Variants in FAT3 observed in about 807,000 individuals in gnomAD.
FAT3 encodes protocadherin Fat 3.
In FAT3, 95 loss-of-function variants were observed where a neutral mutation model predicts 310.2. That is an observed-to-expected ratio of 0.31 (90% CI 0.26 to 0.36). FAT3 has a LOEUF of 0.36. Among genes scored for constraint, FAT3 ranks in the 10% least tolerant of loss-of-function variants. The pLI is 1.00. For synonymous variants in FAT3, 2,314 were observed against 2,192.9 expected (o/e 1.06, Z -1.54); for missense variants, 5,408 against 5,715.6 (o/e 0.95, Z 1.74).
intron 2 of FAT3, among the ~76,000 whole-genome samples, chr11:92,475,553 A>T (rs557300683): frequency 3.3e-5 from 5 of 152,098 alleles, no homozygotes; most frequent in African/African-American, 1.2e-4. Flanking sequence ...TCTCACTCTT[A>T]TGTATGGAAG....
At chr11:92,459,480 T>G (rs1384491727) in intron 2 of FAT3, among the ~76,000 whole-genome samples, 1 of 152,154 alleles carries the variant, frequency 6.6e-6, no homozygotes, top group Non-Finnish European at 1.5e-5. Context: ...TCCATATTAT[T>G]TTAACGGGCC....
intron 1 of FAT3, among the ~76,000 whole-genome samples, chr11:92,258,504 C>A (rs1865404643): frequency 6.6e-6 from 1 of 152,024 alleles, no homozygotes; most frequent in Non-Finnish European, 1.5e-5. Flanking sequence ...AAGAAGCCCA[C>A]AGCTGGGGAA....
At chr11:92,294,134 T>C (rs1946784481) in intron 1 of FAT3, among the ~76,000 whole-genome samples, 1 of 152,070 alleles carries the variant, frequency 6.6e-6, no homozygotes, top group African/African-American at 2.4e-5. Flanking sequence ...ATGAGGGCTC[T>C]CTTCCTGGCC....
chr11:92,808,695 G>A (rs1184055652), intron 12 of FAT3, among the ~76,000 whole-genome samples: 1 of 152,130 alleles, frequency 6.6e-6, no homozygotes, highest in African/African-American at 2.4e-5. Flanking sequence ...GGAGGCCGAG[G>A]TGGGTGGATC....
At chr11:92,749,193 C>G (rs1945757542) in intron 4 of FAT3, 1 of 152,152 alleles carries the variant, frequency 6.6e-6, no homozygotes, top group Non-Finnish European at 1.5e-5. Context: ...ACTTTAAATG[C>G]AGTTCTTCTC....
intron 1 of FAT3, among the ~76,000 whole-genome samples, chr11:92,329,558 G>A (rs1434858093): frequency 6.6e-6 from 1 of 151,194 alleles, no homozygotes; most frequent in Non-Finnish European, 1.5e-5. Context: ...CAGGTAGGCT[G>A]TTAATTAAGT....
intron 19 of FAT3, among the ~76,000 whole-genome samples, chr11:92,852,956 G>C (rs1256636330): frequency 1.6e-4 from 25 of 152,188 alleles, no homozygotes; most frequent in Admixed American, 1.6e-3. Context: ...GTTGTCACAG[G>C]ATCCTTGGGG....
At chr11:92,767,910 C>T (rs1472219752) in intron 6 of FAT3, among the ~76,000 whole-genome samples, 2 of 152,138 alleles carry the variant, frequency 1.3e-5, no homozygotes, top group African/African-American at 4.8e-5. Flanking sequence ...CTGGAACCTA[C>T]TCAGAGTCAG....
intron 4 of FAT3, among the ~76,000 whole-genome samples, chr11:92,754,566 T>A (rs1356691871): frequency 7.6e-6 from 1 of 131,058 alleles, no homozygotes; most frequent in Non-Finnish European, 1.5e-5. Flanking sequence ...AGGTGGAGTT[T>A]GCAGTGAGCC....
chr11:92,259,336 A>G (rs1172374438), intron 1 of FAT3, among the ~76,000 whole-genome samples: 1 of 152,156 alleles, frequency 6.6e-6, no homozygotes, highest in Non-Finnish European at 1.5e-5. Context: ...AACACAATTT[A>G]AAGAATGACT....
At chr11:92,856,766 A>T (rs1256958985) in intron 19 of FAT3, among the ~76,000 whole-genome samples, 1 of 152,112 alleles carries the variant, frequency 6.6e-6, no homozygotes, top group Non-Finnish European at 1.5e-5. Flanking sequence ...CTCTGAAATC[A>T]ACCTCCAAGT....
chr11:92,489,410 G>A lies in FAT3; in HGVS notation c.3293-35224G>A, dbSNP rs552940056. 1.8e-4 allele frequency among the ~76,000 whole-genome samples: 27 copies of A among 152,102 alleles called. 2 individuals carry two copies. The South Asian group carries it at 2.5e-3, about 14-fold the overall frequency. On this transcript the variant is annotated intron_variant, in intron 2 of 27. Transcript: ENST00000525166. The stretch of plus-strand genomic sequence containing the variant: ...GCACTTTCCTCTGTATTTAGTCCCC[G>A]AATGTACTTATCCTTTCGCCCTGCT...
At chr11:92,450,701 T>C (rs1009704654) in intron 2 of FAT3, among the ~76,000 whole-genome samples, 12 of 152,182 alleles carry the variant, frequency 7.9e-5, no homozygotes, top group Admixed American at 3.9e-4. Flanking sequence ...CTAAGTCTGT[T>C]TACATCTTGG....
At chr11:92,671,363 C>T (rs1256166025) in intron 3 of FAT3, among the ~76,000 whole-genome samples, 1 of 152,044 alleles carries the variant, frequency 6.6e-6, no homozygotes, top group Non-Finnish European at 1.5e-5. Flanking sequence ...GCCTTCTTTC[C>T]GTTTCACTAG....
At chr11:92,280,600 ATCACAAACAGGATCATGAACC>A in intron 1 of FAT3, among the ~76,000 whole-genome samples, 1 of 152,184 alleles carries the variant, frequency 6.6e-6, no homozygotes, top group Non-Finnish European at 1.5e-5. Context: ...ACCTTTCTAA[ATCACAAACAGGATCATGAACC>A]TCTTAAAATA....
chr11:92,802,430 G>T (rs1472884740), intron 10 of FAT3, among the ~76,000 whole-genome samples: 3 of 152,074 alleles, frequency 2.0e-5, no homozygotes, highest in African/African-American at 7.2e-5. Flanking sequence ...AAATCAAGGG[G>T]TATTTCTTCT....
At chr11:92,642,670 C>T (rs1193984911) in intron 3 of FAT3, among the ~76,000 whole-genome samples, 1 of 152,206 alleles carries the variant, frequency 6.6e-6, no homozygotes, top group African/African-American at 2.4e-5. Flanking sequence ...CTGAGCATTT[C>T]TAGAGAGCAT....
chr11:92,790,808 A>G (rs1346821709), intron 8 of FAT3, among the ~76,000 whole-genome samples: 2 of 152,210 alleles, frequency 1.3e-5, no homozygotes, highest in Admixed American at 1.3e-4. Context: ...AGTAGTGTTT[A>G]GCTAGTTCAC....
chr11:92,318,789 G>C (rs1343033285), intron 1 of FAT3, among the ~76,000 whole-genome samples: 1 of 152,190 alleles, frequency 6.6e-6, no homozygotes, highest in African/African-American at 2.4e-5. Flanking sequence ...GATACCAGGA[G>C]AACTGGTAGG....
Sources: gnomAD v4.1 joint callset for allele counts (sites outside exome capture counted in the v4.1 genomes callset) on GRCh38, gnomAD v4.1.1 for gene constraint, MANE v1.5 for transcripts, NCBI Gene and HGNC (gene_info 2026-07-23, HGNC 2026-07-21) for gene names.